The following MAG variants were observed in gnomAD, a reference collection of about 807,000 sequenced individuals.
MAG encodes myelin associated glycoprotein.
MAG carries 30 observed loss-of-function variants against 60.7 expected under a neutral mutation model. The ratio of observed to expected loss-of-function variants is 0.49; its 90% CI spans 0.37 to 0.67. The LOEUF (loss-of-function observed/expected upper bound fraction) is 0.67, where lower values mean the gene tolerates loss of function less well. Among genes scored for constraint, MAG ranks in the 30% least tolerant of loss-of-function variants. The pLI is 0.00. For synonymous variants in MAG, 384 were observed against 376.8 expected (o/e 1.02, Z -0.22); for missense variants, 795 against 851.7 (o/e 0.93, Z 0.83).
chr19:35,302,488 C>T lies in MAG; in HGVS notation c.1011C>T (p.Ala337=), dbSNP rs149315719. Residue 337 remains alanine (A), a synonymous_variant, in exon 7 of 11, where the codon GCC becomes GCT. Transcript: ENST00000392213. The part of the protein sequence containing the change: ...WKPTVNGTMV[A]VEGETVSILC... Reference sequence around the variant, plus strand: ...CAACAGTGAACGGGACAATGGTGGCCGTAGAGGGGGAGACGGTCTCTATCT... The same window carrying T: ...CAACAGTGAACGGGACAATGGTGGCTGTAGAGGGGGAGACGGTCTCTATCT... 1.1e-4 allele frequency: 180 copies of T among 1,614,112 alleles called. No homozygotes were observed. The highest frequency in any genetic ancestry group is 4.8e-4 in the African/African-American group (36 of 75,014).
intron 7 of MAG, among the ~76,000 whole-genome samples, chr19:35,307,070 T>G (rs77076215): frequency 0.049 from 7,520 of 152,318 alleles, 532 homozygotes; most frequent in African/African-American, 0.16. Context: ...GGTCGAACAC[T>G]TTGTCACCAG....
Position 35,295,532 on chromosome 19 carries a change from G to T in MAG, c.46+78G>T, listed in dbSNP as rs2145604350. 2 of 1,606,150 alleles carry T rather than the reference G, an allele frequency of 1.2e-6. No individual in the cohort carries two copies. The highest frequency in any genetic ancestry group is 1.8e-4 in the Middle Eastern group (1 of 5,412). On this transcript the variant is annotated intron_variant, in intron 3 of 10. Transcript: ENST00000392213. This position sits in a 1 kb window ranked among gnomAD's most constrained non-coding sequence, Gnocchi z 5.8. ...GGAGGTGGGTCCCCGCAGCCCCCCG[G>T]CATGTGGTTGGGGATGGGAGCCGGA...
At chr19:35,302,318 G>C (rs1394701398) in intron 6 of MAG, 130 bp from the exon 7 acceptor site, 4 of 1,066,998 alleles carry the variant, frequency 3.7e-6, no homozygotes, top group Non-Finnish European at 5.4e-6. Flanking sequence ...CAGGACTGGG[G>C]TCACCTGAGC....
chr19:35,299,976 A>T, intron 5 of MAG, 126 bp downstream of exon 5: 2 of 342,056 alleles, frequency 5.8e-6, no homozygotes, highest in Non-Finnish European at 3.8e-6. Context: ...GCCCAGGGCC[A>T]GGCAGGGATT....
At position 35,295,339 on chromosome 19, in the gene MAG, C is replaced by A; in HGVS notation, c.-23-47C>A. The stretch of plus-strand genomic sequence containing the variant: ...CCTTCCTGAAGCCCAGATGGAACAC[C>A]CCCTTTCACTTCCCCCAGCCTTTAA... On this transcript the variant is annotated intron_variant, in intron 2 of 10. Coordinates refer to ENST00000392213, the MANE Select transcript of MAG (RefSeq NM_002361.4). The surrounding 1 kb of genome is among the most constrained non-coding windows in gnomAD (Gnocchi z 5.8). 1 of 1,539,710 alleles carries A rather than the reference C, an allele frequency of 6.5e-7. No individual in the cohort carries two copies. Among genetic ancestry groups the A allele is most frequent in the Non-Finnish European group, 8.9e-7 (1 of 1,118,360 alleles).
rs1234608059 is a variant in MAG, at chr19:35,295,424, G to A, written c.16G>A (p.Ala6Thr). MIFLT[A>T]LPLFWIMISA... ...GCTGTACAGAATGATATTCCTCACG[G>A]CACTGCCTCTGTTCTGGATTATGAT... Residue 6 changes from alanine (A) to threonine (T), a missense_variant, in exon 3 of 11, where the codon GCA (alanine) becomes ACA (threonine). Coordinates refer to ENST00000392213, the MANE Select transcript of MAG (RefSeq NM_002361.4). This position sits in a 1 kb window ranked among gnomAD's most constrained non-coding sequence, Gnocchi z 5.8. 1.9e-6 allele frequency: 3 copies of A among 1,613,772 alleles called. No homozygotes were observed. The Admixed American group carries it at 5.0e-5, about 27-fold the overall frequency.
In MAG at chr19:35,305,960, C is replaced by CA. The variant is rs758476271; in HGVS notation, c.1231+3253dup. 1.3e-3 allele frequency among the ~76,000 whole-genome samples: 194 copies of CA among 143,728 alleles called. 2 individuals are homozygous for CA. The East Asian group carries it at 0.034, about 25-fold the overall frequency. The allele number at this position is 143,728 out of a possible 152,430, so 94.3% of individuals were successfully genotyped here. A position where few individuals can be genotyped will look rare whatever the true frequency, so the allele number is the denominator to read the frequency against. ...ACAGAGCAAGACTGTCCCAGCCCCC[C>CA]ACTCCAGCCTGGATGACAGAGCAAG... On this transcript the variant is annotated intron_variant, in intron 7 of 10. Transcript: ENST00000392213.
chr19:35,307,256 C>T (rs1348757471), intron 7 of MAG, among the ~76,000 whole-genome samples: 1 of 152,232 alleles, frequency 6.6e-6, no homozygotes, highest in Non-Finnish European at 1.5e-5. Context: ...GATGTTTGCA[C>T]AGAGGTTCCC....
chr19:35,306,766 C>G (rs567225778), intron 7 of MAG, among the ~76,000 whole-genome samples: 1 of 152,322 alleles, frequency 6.6e-6, no homozygotes, highest in South Asian at 2.1e-4. Context: ...AACACACTTG[C>G]GCGCCTATCT....
At chr19:35,313,232 T>G in intron 10 of MAG, 58 bp from the exon 11 acceptor site, 1 of 1,557,304 alleles carries the variant, frequency 6.4e-7, no homozygotes, top group South Asian at 1.2e-5. Context: ...CGCTCTGTCC[T>G]CTGCATTGGG....
chr19:35,301,651 C>T (rs1399753577), intron 6 of MAG, among the ~76,000 whole-genome samples: 1 of 152,020 alleles, frequency 6.6e-6, no homozygotes, highest in African/African-American at 2.4e-5. Context: ...AGAATAGTCT[C>T]AAATTCCTGA....
intron 4 of MAG, among the ~76,000 whole-genome samples, chr19:35,297,540 T>C (rs1205595245): frequency 2.0e-4 from 19 of 93,730 alleles, no homozygotes; most frequent in Middle Eastern, 0.014. Context: ...ACACACTACA[T>C]AAACCACACA....
chr19:35,292,378 C>T (rs1259447403), intron 1 of MAG, among the ~76,000 whole-genome samples, 174 bp downstream of exon 1: 3 of 151,920 alleles, frequency 2.0e-5, no homozygotes, highest in Non-Finnish European at 2.9e-5. Flanking sequence ...CTCGGACCAT[C>T]GCTGGGGCAG....
intron 5 of MAG, 121 bp from the exon 6 acceptor site, chr19:35,300,026 G>GGGGCGGGGCCAAGGCTGA: frequency 7.3e-7 from 1 of 1,374,576 alleles, no homozygotes; most frequent in Non-Finnish European, 9.5e-7. Context: ...AGGCAGTCCT[G>GGGGCGGGGCCAAGGCTGA]GGGCGGGGCC....
intron 10 of MAG, chr19:35,312,339 G>A (rs1292446480): frequency 4.3e-6 from 7 of 1,609,770 alleles, no homozygotes; most frequent in Non-Finnish European, 5.9e-6. Context: ...GGTTCCGGGG[G>A]CCTCAGTGTG....
At chr19:35,311,729 C>T (rs1001260158) in intron 9 of MAG, among the ~76,000 whole-genome samples, 189 bp from the exon 10 acceptor site, 6 of 152,152 alleles carry the variant, frequency 3.9e-5, no homozygotes, top group South Asian at 2.1e-4. Flanking sequence ...CGTCCCCAGC[C>T]GGGCAGGGGC....
chr19:35,306,370 C>G (rs544015642), intron 7 of MAG, among the ~76,000 whole-genome samples: 1 of 152,198 alleles, frequency 6.6e-6, no homozygotes, highest in South Asian at 2.1e-4. Context: ...CTCATGTGAC[C>G]TCTCTGCGGG....
intron 6 of MAG, 150 bp downstream of exon 6, chr19:35,300,554 G>A: frequency 2.0e-6 from 2 of 980,474 alleles, no homozygotes; most frequent in East Asian, 2.8e-5. Flanking sequence ...TGCAAGTCAA[G>A]GTGTACCTTC....
At position 35,295,475 on chromosome 19, in the gene MAG, G is replaced by A; in HGVS notation, c.46+21G>A. 1 of 1,613,936 alleles carries A rather than the reference G, an allele frequency of 6.2e-7. No individual in the cohort carries two copies. Reference sequence around the variant, plus strand: ...TTCAGGTAACGGCTGACAGGTGCTGGGGACCTAAAGGCTTTGGCCCCTGAG... The same window carrying A: ...TTCAGGTAACGGCTGACAGGTGCTGAGGACCTAAAGGCTTTGGCCCCTGAG... On this transcript the variant is annotated intron_variant, in intron 3 of 10. Coordinates refer to ENST00000392213, the MANE Select transcript of MAG (RefSeq NM_002361.4). The surrounding 1 kb of genome is among the most constrained non-coding windows in gnomAD (Gnocchi z 5.8).
Sources: allele counts gnomAD v4.1 joint callset (sites outside exome capture counted in the v4.1 genomes callset), GRCh38; gene constraint gnomAD v4.1.1; non-coding constraint Gnocchi (gnomAD v3.1); transcripts MANE v1.5; gene names NCBI Gene and HGNC (gene_info 2026-07-23, HGNC 2026-07-21).